Variants in PPM1H observed in about 807,000 individuals in gnomAD.
The protein encoded by PPM1H is protein phosphatase, Mg2+/Mn2+ dependent 1H.
A neutral mutation model predicts 54.9 loss-of-function variants in PPM1H; 27 were observed. The ratio of observed to expected loss-of-function variants is 0.49; its 90% CI spans 0.36 to 0.68. PPM1H has a LOEUF of 0.68. Among genes scored for constraint, PPM1H ranks in the 30% least tolerant of loss-of-function variants. The pLI is 0.00. For missense variants in PPM1H, 596 were observed against 667.8 expected (o/e 0.89, Z 1.19); for synonymous variants, 305 against 270.8 (o/e 1.13, Z -1.24).
intron 4 of PPM1H, among the ~76,000 whole-genome samples, chr12:62,780,638 G>A (rs1409083136): frequency 6.6e-6 from 1 of 152,120 alleles, no homozygotes; most frequent in Non-Finnish European, 1.5e-5. Flanking sequence ...CAACAGGTGT[G>A]ATACTTTACC....
intron 9 of PPM1H, among the ~76,000 whole-genome samples, chr12:62,664,205 A>AT (rs2075903754): frequency 6.6e-6 from 1 of 152,176 alleles, no homozygotes; most frequent in Non-Finnish European, 1.5e-5. Flanking sequence ...AAGTTAGCTC[A>AT]TGGCATAGAG....
At chr12:62,821,564 C>T (rs1299837945) in intron 2 of PPM1H, among the ~76,000 whole-genome samples, 1 of 152,222 alleles carries the variant, frequency 6.6e-6, no homozygotes, top group Non-Finnish European at 1.5e-5. Context: ...ATCAAACTAA[C>T]AGTGGATTTC....
At chr12:62,662,792 T>C in intron 9 of PPM1H, among the ~76,000 whole-genome samples, 1 of 152,114 alleles carries the variant, frequency 6.6e-6, no homozygotes, top group East Asian at 1.9e-4. Flanking sequence ...AACAGAATAT[T>C]ATCAGTAAAT....
At chr12:62,776,297 C>CT (rs1035421241) in intron 4 of PPM1H, among the ~76,000 whole-genome samples, 1 of 152,214 alleles carries the variant, frequency 6.6e-6, no homozygotes, top group African/African-American at 2.4e-5. Context: ...CCCCATGACT[C>CT]TTTCCCTTGC....
chr12:62,815,171 G>A (rs760567514), intron 2 of PPM1H, among the ~76,000 whole-genome samples: 3 of 150,170 alleles, frequency 2.0e-5, no homozygotes, highest in East Asian at 1.9e-4. Context: ...AGCGTTGTTC[G>A]CTTTTTACCA....
At chr12:62,891,665 C>T (rs566021602) in intron 1 of PPM1H, among the ~76,000 whole-genome samples, 35 of 152,242 alleles carry the variant, frequency 2.3e-4, no homozygotes, top group East Asian at 5.8e-4. Flanking sequence ...CCTAGTATCA[C>T]GACAGAGGGC....
In PPM1H at chr12:62,647,449, G is replaced by A. The variant is rs900626852; in HGVS notation, c.*1040C>T. 1 of 152,228 alleles carries A rather than the reference G, an allele frequency of 6.6e-6. No homozygotes were observed. The highest frequency in any genetic ancestry group is 1.5e-5 in the Non-Finnish European group (1 of 68,086). 9.4% of individuals were successfully genotyped at this position (152,228 alleles called of 1,614,324 possible). On this transcript the variant is annotated 3_prime_UTR_variant, in exon 10 of 10. Coordinates refer to ENST00000228705, the MANE Select transcript of PPM1H (RefSeq NM_020700.2). ...AGCCATGAAACATGAATCCAAAATG[G>A]TCCCCAGATGAGCCATGGTGAACCA...
chr12:62,910,007 G>T (rs1270033259), intron 1 of PPM1H, among the ~76,000 whole-genome samples: 2 of 152,132 alleles, frequency 1.3e-5, no homozygotes, highest in Admixed American at 1.3e-4. Flanking sequence ...TTTATCCTGG[G>T]GTTCAGAAAT....
intron 2 of PPM1H, among the ~76,000 whole-genome samples, chr12:62,809,163 C>T (rs556278551): frequency 3.9e-5 from 6 of 152,258 alleles, no homozygotes; most frequent in African/African-American, 1.2e-4. Context: ...GTGATTATCC[C>T]ACTTCAGCCT....
In PPM1H at chr12:62,840,852, C is replaced by T. The variant is rs182917779; in HGVS notation, c.246-8573G>A. Among the ~76,000 whole-genome samples, 36 of 152,190 alleles carry T rather than the reference C, an allele frequency of 2.4e-4. 1 individual carries two copies. The highest frequency in any genetic ancestry group is 2.4e-3 in the Admixed American group (36 of 15,280). On this transcript the variant is annotated intron_variant, in intron 1 of 9. Coordinates refer to ENST00000228705, the MANE Select transcript of PPM1H (RefSeq NM_020700.2). ...GATCACAGTTACTTTAGAAAAATAA[C>T]ACTTGTGGCTTAGTAGAAAATGGGT...
intron 3 of PPM1H, among the ~76,000 whole-genome samples, chr12:62,800,123 G>A (rs1465017384): frequency 6.6e-6 from 1 of 152,206 alleles, no homozygotes; most frequent in Non-Finnish European, 1.5e-5. Context: ...ATGCAAATTT[G>A]AGGGGTGAAT....
intron 1 of PPM1H, among the ~76,000 whole-genome samples, chr12:62,927,426 G>T (rs1454551136): frequency 6.6e-6 from 1 of 152,146 alleles, no homozygotes; most frequent in Non-Finnish European, 1.5e-5. Context: ...TTGGGAGGCT[G>T]AGGCAGGTGG....
At chr12:62,690,173 GATCCATCCATCCATCCATCC>G (rs747377788) in intron 7 of PPM1H, among the ~76,000 whole-genome samples, 2 of 151,660 alleles carry the variant, frequency 1.3e-5, no homozygotes, top group African/African-American at 4.8e-5. Context: ...AGGATTGATC[GATCCATCCATCCATCCATCC>G]ATCCATCCAC....
intron 4 of PPM1H, among the ~76,000 whole-genome samples, chr12:62,749,946 T>C (rs913863195): frequency 2.0e-5 from 3 of 152,232 alleles, no homozygotes; most frequent in African/African-American, 7.2e-5. Flanking sequence ...AGAAACATCT[T>C]AGTCTACCAT....
chr12:62,845,971 G>C (rs1322931536), intron 1 of PPM1H, among the ~76,000 whole-genome samples: 1 of 152,060 alleles, frequency 6.6e-6, no homozygotes, highest in Non-Finnish European at 1.5e-5. Flanking sequence ...CCCACATCTA[G>C]CTTCTCAGCC....
chr12:62,756,744 T>C (rs1021141230), intron 4 of PPM1H, among the ~76,000 whole-genome samples: 3 of 151,812 alleles, frequency 2.0e-5, no homozygotes, highest in African/African-American at 7.3e-5. Context: ...GAGGAGCCAA[T>C]TGAACGGCCG....
At chr12:62,714,577 C>A (rs1043161250) in intron 6 of PPM1H, among the ~76,000 whole-genome samples, 2 of 152,114 alleles carry the variant, frequency 1.3e-5, no homozygotes, top group African/African-American at 2.4e-5. Context: ...CGCCACCACA[C>A]TTAGAGGTTC....
chr12:62,655,491 C>T (rs764654223), intron 9 of PPM1H, among the ~76,000 whole-genome samples: 2 of 152,194 alleles, frequency 1.3e-5, no homozygotes, highest in Non-Finnish European at 2.9e-5. Context: ...GGTATTAAAA[C>T]AGGAAGGCTT....
chr12:62,662,542 C>T (rs2075890741), intron 9 of PPM1H, among the ~76,000 whole-genome samples: 1 of 152,064 alleles, frequency 6.6e-6, no homozygotes, highest in South Asian at 2.1e-4. Context: ...AGGCACTTCA[C>T]CTAATAATAT....
Sources: allele counts gnomAD v4.1 joint callset (sites outside exome capture counted in the v4.1 genomes callset), GRCh38; gene constraint gnomAD v4.1.1; transcripts MANE v1.5; gene names NCBI Gene and HGNC (gene_info 2026-07-23, HGNC 2026-07-21).